The following PCSK5 variants were observed in gnomAD, a reference collection of about 807,000 sequenced individuals.
PCSK5 encodes proprotein convertase subtilisin/kexin type 5, also known as prohormone convertase 5.
PCSK5 carries 129 observed loss-of-function variants against 233.2 expected under a neutral mutation model. The observed-to-expected ratio is 0.55, with a 90% CI of 0.48 to 0.64. The LOEUF is 0.64. Ranked by LOEUF, PCSK5 falls within the 30% of genes least tolerant of loss-of-function variation. The pLI, the probability that PCSK5 is intolerant of heterozygous loss-of-function variation, is 0.00. For missense variants in PCSK5, 2,076 were observed against 2,430.1 expected, an observed-to-expected ratio of 0.85 and a Z score of 3.06; for synonymous variants, 825 against 879.2, an observed-to-expected ratio of 0.94 and a Z score of 1.09.
intron 37 of PCSK5, among the ~76,000 whole-genome samples, chr9:76,355,195 G>A (rs983801472): frequency 3.3e-5 from 5 of 152,032 alleles, no homozygotes; most frequent in East Asian, 1.9e-4. Context: ...AAACATGGCC[G>A]GGCGCGGTGG....
At chr9:76,109,551 A>G (rs1360863746) in intron 9 of PCSK5, among the ~76,000 whole-genome samples, 1 of 142,978 alleles carries the variant, frequency 7.0e-6, no homozygotes, top group Non-Finnish European at 1.5e-5. Context: ...ACATTGAAAG[A>G]CTACAATTGT....
At chr9:75,905,062 T>G (rs1247264792) in intron 1 of PCSK5, among the ~76,000 whole-genome samples, 1 of 152,192 alleles carries the variant, frequency 6.6e-6, no homozygotes, top group African/African-American at 2.4e-5. Flanking sequence ...GCCACATTAT[T>G]GTATCATTCT....
intron 37 of PCSK5, among the ~76,000 whole-genome samples, chr9:76,357,369 C>G (rs1830327963): frequency 6.6e-6 from 1 of 152,032 alleles, no homozygotes; most frequent in Non-Finnish European, 1.5e-5. Context: ...ATACAAAAAT[C>G]AGCCAGGCAT....
intron 10 of PCSK5, among the ~76,000 whole-genome samples, chr9:76,142,471 T>A (rs1338507116): frequency 6.6e-6 from 1 of 152,054 alleles, no homozygotes; most frequent in East Asian, 1.9e-4. Context: ...ACAAAACCTG[T>A]TCAAAGAAAA....
Position 76,146,462 on chromosome 9 carries a change from A to G in PCSK5, c.1313-10583A>G, listed in dbSNP as rs368886665. On this transcript the variant is annotated intron_variant, in intron 10 of 37. Coordinates refer to ENST00000674117, the MANE Select transcript of PCSK5 (RefSeq NM_001372043.1). ...GCAAGAATATGGGAAAGTGTTAGGGACCAGATGTTAAACTTTCCTTCCAAG... is the reference window on the plus strand; with the variant it reads ...GCAAGAATATGGGAAAGTGTTAGGGGCCAGATGTTAAACTTTCCTTCCAAG... Among the ~76,000 whole-genome samples the G allele has an allele frequency of 2.6e-5, 4 of 151,974 alleles. No individual in the cohort carries two copies. In the East Asian group the frequency reaches 5.8e-4, roughly 22 times the overall value.
chr9:76,215,546 G>A (rs1397759312), intron 20 of PCSK5, among the ~76,000 whole-genome samples: 1 of 152,190 alleles, frequency 6.6e-6, no homozygotes, highest in Admixed American at 6.5e-5. Flanking sequence ...CCACCAAGGG[G>A]AAAGTTACTT....
chr9:76,072,107 T>C (rs1830502247), intron 7 of PCSK5, among the ~76,000 whole-genome samples: 1 of 152,220 alleles, frequency 6.6e-6, no homozygotes, highest in Non-Finnish European at 1.5e-5. Context: ...GAGTTTCTTC[T>C]GAAGAGAACA....
At chr9:76,141,095 A>C (rs1427073574) in intron 10 of PCSK5, among the ~76,000 whole-genome samples, 1 of 152,164 alleles carries the variant, frequency 6.6e-6, no homozygotes, top group African/African-American at 2.4e-5. Context: ...GCAAAGATAT[A>C]TGTCGTCAAG....
At chr9:75,923,557 A>C (rs1395280596) in intron 1 of PCSK5, among the ~76,000 whole-genome samples, 2 of 152,204 alleles carry the variant, frequency 1.3e-5, no homozygotes, top group Non-Finnish European at 2.9e-5. Context: ...AAAATTATGA[A>C]GAATAAAAAG....
chr9:76,310,163 G>A (rs886522026), intron 29 of PCSK5, among the ~76,000 whole-genome samples: 4 of 151,456 alleles, frequency 2.6e-5, no homozygotes, highest in African/African-American at 4.9e-5. Flanking sequence ...TAGGAGAATC[G>A]CTTGAACCCG....
rs550709140 is a variant in PCSK5, at chr9:75,920,377, C to A, written c.193-12002C>A. On this transcript the variant is annotated intron_variant, in intron 1 of 37. Coordinates refer to ENST00000674117, the MANE Select transcript of PCSK5 (RefSeq NM_001372043.1). The stretch of plus-strand genomic sequence containing the variant: ...GATCAGAGCTCAATGCAGCCTCAAA[C>A]TCCTGGGCTCAAGCGATCCTCCTGC... Among the ~76,000 whole-genome samples, 14 of 152,280 alleles carry A rather than the reference C, an allele frequency of 9.2e-5. No individual in the cohort carries two copies. In the South Asian group the frequency reaches 2.7e-3, roughly 29 times the overall value.
intron 7 of PCSK5, 95 bp downstream of exon 7, chr9:76,071,993 G>C (rs1830498842): frequency 8.1e-7 from 1 of 1,228,506 alleles, no homozygotes; most frequent in African/African-American, 1.5e-5. Context: ...CTAGAGAACT[G>C]GATGGAGCTC....
At chr9:75,997,174 C>T (rs1258100) in intron 3 of PCSK5, among the ~76,000 whole-genome samples, 147,824 of 152,288 alleles carry the variant, frequency 0.97, 71,761 homozygotes, top group East Asian at 1. Context: ...TTCACAGAAC[C>T]GAGTTTGGCT....
At chr9:76,124,426 C>G (rs888324000) in intron 9 of PCSK5, among the ~76,000 whole-genome samples, 1 of 152,072 alleles carries the variant, frequency 6.6e-6, no homozygotes, top group Admixed American at 6.6e-5. Flanking sequence ...ATCGGCTTGT[C>G]TTCCTTGTCA....
At chr9:76,253,332 A>T (rs907871860) in intron 24 of PCSK5, among the ~76,000 whole-genome samples, 1 of 152,046 alleles carries the variant, frequency 6.6e-6, no homozygotes. Context: ...TCTTCTGAAG[A>T]TAAGAGAAAC....
At position 75,945,852 on chromosome 9, in the gene PCSK5, A is replaced by G. The variant is rs76262422; in HGVS notation, c.297+13369A>G. Among the ~76,000 whole-genome samples the G allele has an allele frequency of 8.9e-4, 135 of 152,194 alleles. 5 individuals carry two copies. In the East Asian group the frequency reaches 0.025, roughly 28 times the overall value. On this transcript the variant is annotated intron_variant, in intron 2 of 37. Coordinates refer to ENST00000674117, the MANE Select transcript of PCSK5 (RefSeq NM_001372043.1). ...TGGATGCCTTCTCAGCCTTCATATC[A>G]CTTCCTTTGAAAGACCTCCCTCAAT...
chr9:76,001,468 CTT>C (rs34379742), intron 3 of PCSK5, among the ~76,000 whole-genome samples: 65 of 87,144 alleles, frequency 7.5e-4, no homozygotes, highest in African/African-American at 2.0e-3. Flanking sequence ...ACCATCATAG[CTT>C]TTTTTTTTTT....
At chr9:75,890,088 C>G (rs1489317194), upstream of PCSK5, among the ~76,000 whole-genome samples, 1 of 152,182 alleles carries the variant, frequency 6.6e-6, no homozygotes, top group Non-Finnish European at 1.5e-5. Context: ...CGTGGCGTTG[C>G]CTAGTATCGC....
chr9:75,941,303 G>T (rs1391398826), intron 2 of PCSK5, among the ~76,000 whole-genome samples: 1 of 152,144 alleles, frequency 6.6e-6, no homozygotes, highest in Non-Finnish European at 1.5e-5. Context: ...TCCAGGGTGT[G>T]TTGAGATCTG....
Sources: allele counts gnomAD v4.1 joint callset (sites outside exome capture counted in the v4.1 genomes callset), GRCh38; gene constraint gnomAD v4.1.1; transcripts MANE v1.5; gene names NCBI Gene and HGNC (gene_info 2026-07-23, HGNC 2026-07-21).